The following ARHGAP40 variants were observed in gnomAD, a reference collection of about 807,000 sequenced individuals.
ARHGAP40 encodes Rho GTPase activating protein 40.
A neutral mutation model predicts 73.5 loss-of-function variants in ARHGAP40; 43 were observed. That is an observed-to-expected ratio of 0.58 (90% CI 0.46 to 0.75). The LOEUF (loss-of-function observed/expected upper bound fraction) is 0.75, where lower values mean the gene tolerates loss of function less well. Ranked by LOEUF, ARHGAP40 falls within the 30% of genes least tolerant of loss-of-function variation. ARHGAP40 has a pLI of 0.00. For missense variants in ARHGAP40, 734 were observed against 861.8 expected (o/e 0.85, Z 1.86); for synonymous variants, 300 against 352.8 (o/e 0.85, Z 1.68).
At chr20:38,647,086 G>T in exon 13 of ARHGAP40, 1 of 1,305,174 alleles carries the variant, frequency 7.7e-7, no homozygotes, top group Non-Finnish European at 1.0e-6. Context: ...TGGTTCCAAG[G>T]GTCAAGAAGA....
chr20:38,602,141 T>C (rs2088739170), intron 1 of ARHGAP40, 62 bp downstream of exon 1: 2 of 1,233,348 alleles, frequency 1.6e-6, no homozygotes, highest in African/African-American at 3.1e-5. Context: ...GCATGTGCGG[T>C]CTGTCTTCAC....
chr20:38,603,407 GTCTATCTATCTA>G (rs71330431), intron 1 of ARHGAP40, among the ~76,000 whole-genome samples: 8,444 of 129,514 alleles, frequency 0.065, 576 homozygotes, highest in African/African-American at 0.17. Flanking sequence ...TTGTTTATCT[GTCTATCTATCTA>G]TCTATCTATC....
chr20:38,634,705 C>A, exon 6 of ARHGAP40: 1 of 1,305,260 alleles, frequency 7.7e-7, no homozygotes, highest in Non-Finnish European at 1.0e-6. Flanking sequence ...CCTTCTCTGG[C>A]CCTCATAGAG....
At chr20:38,611,715 G>A (rs1354589952) in intron 1 of ARHGAP40, among the ~76,000 whole-genome samples, 1 of 152,146 alleles carries the variant, frequency 6.6e-6, no homozygotes, top group Non-Finnish European at 1.5e-5. Flanking sequence ...GGGACTACAG[G>A]CGCCCGCCAC....
exon 3 of ARHGAP40, chr20:38,627,102 A>T (rs754504283): frequency 3.1e-6 from 4 of 1,305,272 alleles, no homozygotes. Context: ...CCTGACACAG[A>T]CCCAGGTGGC....
chr20:38,637,512 G>A (rs2088983164), intron 6 of ARHGAP40, among the ~76,000 whole-genome samples, 196 bp from the exon 7 acceptor site: 1 of 152,054 alleles, frequency 6.6e-6, no homozygotes, highest in Admixed American at 6.5e-5. Flanking sequence ...CAGCAGTAAT[G>A]TTTTAATGAA....
chr20:38,623,439 G>T (rs1362485500), exon 2 of ARHGAP40: 1 of 1,290,960 alleles, frequency 7.7e-7, no homozygotes, highest in Middle Eastern at 2.1e-4. Flanking sequence ...TCTGCTGGCT[G>T]TTCCACTGGA....
chr20:38,644,127 G>C (rs57655290), intron 11 of ARHGAP40, among the ~76,000 whole-genome samples: 1,948 of 152,252 alleles, frequency 0.013, 42 homozygotes, highest in African/African-American at 0.045. Flanking sequence ...CTCTCAGTCA[G>C]TCTGCTGCCA....
At chr20:38,637,798 C>T (rs2088986286) in exon 7 of ARHGAP40, 1 of 1,304,808 alleles carries the variant, frequency 7.7e-7, no homozygotes, top group Non-Finnish European at 1.0e-6. Context: ...GTCCTTCAAG[C>T]CGTAAGTCGC....
At chr20:38,629,436 C>T in intron 4 of ARHGAP40, 66 bp from the exon 5 acceptor site, 1 of 1,295,680 alleles carries the variant, frequency 7.7e-7, no homozygotes, top group Admixed American at 2.3e-5. Context: ...GTCCCGAACC[C>T]AAGCACTTGC....
At chr20:38,637,677 A>G in intron 6 of ARHGAP40, 31 bp from the exon 7 acceptor site, 2 of 1,300,402 alleles carry the variant, frequency 1.5e-6, no homozygotes, top group Non-Finnish European at 2.0e-6. Flanking sequence ...CCAAGAAGTG[A>G]AATGTGCCTC....
chr20:38,603,995 C>T (rs1037995329), intron 1 of ARHGAP40, among the ~76,000 whole-genome samples: 2 of 152,208 alleles, frequency 1.3e-5, no homozygotes, highest in African/African-American at 4.8e-5. Flanking sequence ...ACTCAAGATC[C>T]TTAGCTTAAT....
intron 1 of ARHGAP40, among the ~76,000 whole-genome samples, chr20:38,606,328 G>C (rs984713841): frequency 2.6e-4 from 40 of 152,058 alleles, no homozygotes; most frequent in African/African-American, 9.7e-4. Context: ...GTGTACTTAT[G>C]ATACATTTTC....
At chr20:38,602,336 G>T (rs933778813) in intron 1 of ARHGAP40, among the ~76,000 whole-genome samples, 7 of 152,122 alleles carry the variant, frequency 4.6e-5, no homozygotes, top group African/African-American at 1.7e-4. Flanking sequence ...CTCCTGCAGG[G>T]GTCACTGATT....
intron 10 of ARHGAP40, 119 bp downstream of exon 10, chr20:38,641,927 C>T: frequency 2.7e-6 from 2 of 735,684 alleles, no homozygotes; most frequent in Non-Finnish European, 3.8e-6. Flanking sequence ...TGCTAGGGTT[C>T]AGTGATGACC....
At chr20:38,604,384 C>A (rs1356868212) in intron 1 of ARHGAP40, among the ~76,000 whole-genome samples, 2 of 151,240 alleles carry the variant, frequency 1.3e-5, no homozygotes, top group Non-Finnish European at 2.9e-5. Flanking sequence ...ATTTTTACTT[C>A]CAGAACAGTG....
chr20:38,625,704 C>T (rs773737568), intron 2 of ARHGAP40, among the ~76,000 whole-genome samples: 3 of 152,214 alleles, frequency 2.0e-5, no homozygotes, highest in Non-Finnish European at 2.9e-5. Flanking sequence ...CAGGCATGAG[C>T]CACCATGCCT....
In ARHGAP40 at chr20:38,632,245, T is replaced by G. The variant is rs904183874; in HGVS notation, c.784-2375T>G. 4.6e-5 allele frequency among the ~76,000 whole-genome samples: 7 copies of G among 150,896 alleles called. No individual in the cohort carries two copies. In the South Asian group the frequency reaches 1.0e-3, roughly 23 times the overall value. ...TCCCAAAGTGTTAGGATTACAGGTATGAGCCACTGCACCCGGCCTAAATTT... is the reference window on the plus strand; with the variant it reads ...TCCCAAAGTGTTAGGATTACAGGTAGGAGCCACTGCACCCGGCCTAAATTT... On this transcript the variant is annotated intron_variant, in intron 5 of 14. Transcript: ENST00000373345.
chr20:38,627,472 GGTGT>G (rs1328916942), intron 3 of ARHGAP40, among the ~76,000 whole-genome samples: 1 of 141,932 alleles, frequency 7.0e-6, no homozygotes, highest in Non-Finnish European at 1.6e-5. Context: ...TGTGTTTTGG[GGTGT>G]GTGTATGTTG....
Sources: gnomAD v4.1 joint callset for allele counts (sites outside exome capture counted in the v4.1 genomes callset) on GRCh38, gnomAD v4.1.1 for gene constraint, MANE v1.5 for transcripts, NCBI Gene and HGNC (gene_info 2026-07-23, HGNC 2026-07-21) for gene names.